ARMC8: variants seen among roughly 807,000 people sequenced by gnomAD.
ARMC8 encodes the protein armadillo repeat containing 8, also known as armadillo repeat-containing protein 8.
In ARMC8, 20 loss-of-function variants were observed where a neutral mutation model predicts 99.3. The ratio of observed to expected loss-of-function variants is 0.20; its 90% CI spans 0.14 to 0.29. The LOEUF is 0.29. ARMC8 is among the 10% of genes least tolerant of loss of function. The probability of loss-of-function intolerance (pLI) is 1.00; values close to 1 mark genes in which losing one functional copy is unlikely to be tolerated. For synonymous variants in ARMC8, 263 were observed against 278.3 expected, an observed-to-expected ratio of 0.95 and a Z score of 0.55; for missense variants, 569 against 809.5, an observed-to-expected ratio of 0.70 and a Z score of 3.60.
chr3:138,217,300 A>G, intron 2 of ARMC8, among the ~76,000 whole-genome samples: 1 of 151,996 alleles, frequency 6.6e-6, no homozygotes, highest in East Asian at 1.9e-4. Context: ...TTTTTAGGTG[A>G]TATTAGGCTT....
At chr3:138,247,774 G>T (rs1466149282) in intron 12 of ARMC8, among the ~76,000 whole-genome samples, 1 of 152,230 alleles carries the variant, frequency 6.6e-6, no homozygotes, top group Non-Finnish European at 1.5e-5. Context: ...CTTTGGGCCA[G>T]AGAATATTAA....
chr3:138,291,279 A>C (rs1188096050), intron 21 of ARMC8, among the ~76,000 whole-genome samples: 1 of 152,178 alleles, frequency 6.6e-6, no homozygotes, highest in Admixed American at 6.5e-5. Flanking sequence ...TTCAGCCCTT[A>C]ATGGTCTGGC....
At chr3:138,258,532 A>G (rs1229115293) in intron 12 of ARMC8, among the ~76,000 whole-genome samples, 1 of 152,106 alleles carries the variant, frequency 6.6e-6, no homozygotes, top group Non-Finnish European at 1.5e-5. Context: ...ATAAACCACC[A>G]CCTTAGTATT....
intron 12 of ARMC8, chr3:138,261,462 A>G (rs909229523): frequency 4.6e-5 from 7 of 152,214 alleles, no homozygotes; most frequent in Admixed American, 3.3e-4. Context: ...CTGAACATCC[A>G]TGTCATATTT....
chr3:138,293,536 CA>C (rs1417440633), intron 21 of ARMC8, among the ~76,000 whole-genome samples: 60 of 140,990 alleles, frequency 4.3e-4, no homozygotes, highest in Admixed American at 5.0e-4. Context: ...AAGACTGTCT[CA>C]AAAAAAAAAA....
chr3:138,211,644 G>C (rs1217598986), intron 2 of ARMC8, among the ~76,000 whole-genome samples: 1 of 152,182 alleles, frequency 6.6e-6, no homozygotes, highest in Non-Finnish European at 1.5e-5. Flanking sequence ...TAGAGTAGAA[G>C]GAGCGTGGGG....
intron 21 of ARMC8, among the ~76,000 whole-genome samples, chr3:138,291,194 A>C (rs2050911724): frequency 6.6e-6 from 1 of 152,098 alleles, no homozygotes; most frequent in South Asian, 2.1e-4. Context: ...TTTCCATTTC[A>C]CCTTTGTATA....
intron 18 of ARMC8, among the ~76,000 whole-genome samples, chr3:138,278,837 G>A (rs2049574958): frequency 6.6e-6 from 1 of 151,904 alleles, no homozygotes; most frequent in South Asian, 2.1e-4. Context: ...TTAAAATTTC[G>A]ATTTCCAGTT....
chr3:138,220,087 G>A (rs1169309089), intron 2 of ARMC8, among the ~76,000 whole-genome samples: 11 of 152,176 alleles, frequency 7.2e-5, no homozygotes, highest in Admixed American at 7.2e-4. Flanking sequence ...TTCTACATTA[G>A]TATAGGCAGA....
At position 138,241,423 on chromosome 3, in the gene ARMC8, GTAAA is replaced by G. The variant is rs542782353; in HGVS notation, c.838-353_838-350del. 5.1e-4 allele frequency among the ~76,000 whole-genome samples: 78 copies of G among 152,210 alleles called. No homozygotes were observed. The South Asian group carries it at 9.4e-3, about 18-fold the overall frequency. Reference sequence around the variant, plus strand: ...GATTAAACTGCTGGGTCTTTTTTAGGTAAATAAATAGATAGATAGGGCAGAACCA... The same window carrying G: ...GATTAAACTGCTGGGTCTTTTTTAGGTAAATAGATAGATAGGGCAGAACCA... On this transcript the variant is annotated intron_variant, in intron 10 of 21. Coordinates refer to ENST00000469044, the MANE Select transcript of ARMC8 (RefSeq NM_001363941.2).
chr3:138,293,337 C>T (rs560967712), intron 21 of ARMC8, among the ~76,000 whole-genome samples: 2 of 152,224 alleles, frequency 1.3e-5, no homozygotes, highest in South Asian at 2.1e-4. Context: ...GTCAGGAGTT[C>T]GAGACCAGCC....
At chr3:138,202,842 A>G (rs1046406625) in intron 1 of ARMC8, among the ~76,000 whole-genome samples, 4 of 152,170 alleles carry the variant, frequency 2.6e-5, no homozygotes, top group African/African-American at 9.7e-5. Context: ...TCAAATTTTT[A>G]TTCTTCATTG....
chr3:138,274,297 T>G (rs1330884711), intron 17 of ARMC8, among the ~76,000 whole-genome samples, 152 bp from the exon 18 acceptor site: 1 of 152,090 alleles, frequency 6.6e-6, no homozygotes, highest in African/African-American at 2.4e-5. Flanking sequence ...CTTCAAAATA[T>G]AATAAACACT....
intron 12 of ARMC8, 61 bp from the exon 13 acceptor site, chr3:138,263,678 C>A (rs1438362275): frequency 1.5e-6 from 2 of 1,350,406 alleles, no homozygotes; most frequent in Middle Eastern, 1.8e-4. Context: ...CTTGCATTTA[C>A]AAGCAGTGAA....
chr3:138,268,319 A>G (rs1356389095), intron 15 of ARMC8, among the ~76,000 whole-genome samples: 2 of 152,212 alleles, frequency 1.3e-5, no homozygotes, highest in Admixed American at 6.5e-5. Context: ...TGGAACAAAC[A>G]GGGCAAGACT....
rs540200813 is a variant in ARMC8, at chr3:138,248,323, G to T, written c.1134+3140G>T. ...TTGGTTAGAGAGAGTAAGAGCATAGGCAGGAATTGAGAGCTCAGTGGAAGA... is the reference window on the plus strand; with the variant it reads ...TTGGTTAGAGAGAGTAAGAGCATAGTCAGGAATTGAGAGCTCAGTGGAAGA... On this transcript the variant is annotated intron_variant, in intron 12 of 21. Transcript: ENST00000469044. Among the ~76,000 whole-genome samples the T allele has an allele frequency of 6.6e-5, 10 of 152,252 alleles. No individual in the cohort carries two copies. The South Asian group carries it at 2.1e-3, about 32-fold the overall frequency.
At chr3:138,200,475 G>T (rs1308885506) in intron 1 of ARMC8, among the ~76,000 whole-genome samples, 1 of 152,108 alleles carries the variant, frequency 6.6e-6, no homozygotes, top group East Asian at 1.9e-4. Flanking sequence ...TATGTAAAAT[G>T]GAATTATACT....
At chr3:138,243,380 A>G (rs533966796) in intron 11 of ARMC8, among the ~76,000 whole-genome samples, 6 of 152,332 alleles carry the variant, frequency 3.9e-5, no homozygotes, top group Admixed American at 3.3e-4. Context: ...TTCTGACCCG[A>G]AAAGTATAGA....
chr3:138,205,043 CTCTTT>C (rs1245757221), intron 1 of ARMC8, among the ~76,000 whole-genome samples: 125 of 143,796 alleles, frequency 8.7e-4, no homozygotes, highest in South Asian at 8.2e-3. Context: ...GCAACTCAGT[CTCTTT>C]TCTTTTCTTT....
Sources: gnomAD v4.1 joint callset for allele counts (sites outside exome capture counted in the v4.1 genomes callset) on GRCh38, gnomAD v4.1.1 for gene constraint, MANE v1.5 for transcripts, NCBI Gene and HGNC (gene_info 2026-07-23, HGNC 2026-07-21) for gene names.